TLR1: variants seen among roughly 807,000 people sequenced by gnomAD.
TLR1 encodes the protein toll-like receptor 1.
A neutral mutation model predicts 20.2 loss-of-function variants in TLR1; 19 were observed. That is an observed-to-expected ratio of 0.94 (90% CI 0.66 to 1.38). TLR1 has a LOEUF of 1.38. Ranked by LOEUF, TLR1 falls within the 40% of genes most tolerant of loss-of-function variation. The pLI, the probability that TLR1 is intolerant of heterozygous loss-of-function variation, is 0.00. For missense variants in TLR1, 921 were observed against 910.0 expected, an observed-to-expected ratio of 1.01 and a Z score of -0.16; for synonymous variants, 320 against 334.5, an observed-to-expected ratio of 0.96 and a Z score of 0.47.
chr4:38,805,621 T>C (rs1726962141), upstream of TLR1: 1 of 152,218 alleles, frequency 6.6e-6, no homozygotes, highest in Non-Finnish European at 1.5e-5. Flanking sequence ...TCAGCCTGCA[T>C]GGTGTCCAGT....
chr4:38,795,375 G>T (rs1725973388), downstream of TLR1, among the ~76,000 whole-genome samples: 1 of 152,208 alleles, frequency 6.6e-6, no homozygotes, highest in Non-Finnish European at 1.5e-5. Flanking sequence ...CTGACAGGAT[G>T]TTTGATGGGT....
At chr4:38,803,949 G>A (rs536377669) in intron 2 of TLR1, among the ~76,000 whole-genome samples, 2 of 152,250 alleles carry the variant, frequency 1.3e-5, no homozygotes, top group African/African-American at 2.4e-5. Flanking sequence ...TCAAGGCTTT[G>A]ACTGGTCTTA....
At position 38,798,010 on chromosome 4, in the gene TLR1, C is replaced by CCAATTGG. The variant is rs1726271870; in HGVS notation, c.821_822insCCAATTG (p.Trp274CysfsTer22). 6.2e-7 allele frequency: 1 copy of CCAATTGG among 1,614,130 alleles called. No homozygotes were observed. The highest frequency in any genetic ancestry group is 8.5e-7 in the Non-Finnish European group (1 of 1,180,016). On this transcript the variant is annotated frameshift_variant, in exon 4 of 4. Coordinates refer to ENST00000308979, the MANE Select transcript of TLR1 (RefSeq NM_003263.4). LOFTEE classifies it low-confidence loss of function (END_TRUNC). Reference sequence around the variant, plus strand: ...GCTTCACGTTTGAAATTGAGAAATACCATACAGTTGTATGCCAAACCAGCT... The same window carrying CCAATTGG: ...GCTTCACGTTTGAAATTGAGAAATACCAATTGGCATACAGTTGTATGCCAAACCAGCT...
intron 2 of TLR1, among the ~76,000 whole-genome samples, chr4:38,802,887 C>T (rs920380757): frequency 9.2e-5 from 14 of 152,302 alleles, no homozygotes; most frequent in Admixed American, 7.2e-4. Context: ...CTCTAAGCCA[C>T]TATTGTCCGT....
chr4:38,798,166 T>C lies in TLR1; in HGVS notation c.666A>G (p.Lys222=). ...AACATTTGTTATCTTCTAGCACACATTTGATATTAGATAGTTCCAGATTTG... is the reference window on the plus strand; with the variant it reads ...AACATTTGTTATCTTCTAGCACACACTTGATATTAGATAGTTCCAGATTTG... ...TVANLELSNI[K]CVLEDNKCSY... Residue 222 remains lysine (K), a synonymous_variant, in exon 4 of 4, where the codon AAA becomes AAG. Transcript: ENST00000308979. 1 of 1,614,110 alleles carries C rather than the reference T, an allele frequency of 6.2e-7. No individual in the cohort carries two copies. The highest frequency in any genetic ancestry group is 8.5e-7 in the Non-Finnish European group (1 of 1,179,990).
downstream of TLR1, among the ~76,000 whole-genome samples, chr4:38,793,392 G>T (rs1323832626): frequency 6.6e-6 from 1 of 152,190 alleles, no homozygotes; most frequent in African/African-American, 2.4e-5. Flanking sequence ...GCAAATACAT[G>T]ACGGAGCTAG....
chr4:38,796,628 G>A lies in TLR1; in HGVS notation c.2204C>T (p.Pro735Leu), dbSNP rs759915354. 33 of 1,614,064 alleles carry A rather than the reference G, an allele frequency of 2.0e-5. No homozygotes were observed. Among genetic ancestry groups the A allele is most frequent in the Admixed American group, 5.0e-5 (3 of 60,000 alleles). Residue 735 changes from proline (P) to leucine (L), a missense_variant, in exon 4 of 4, where the codon CCG becomes CTG. Pro to Leu is a moderately conservative substitution (Grantham distance 98, BLOSUM62 -3). Transcript: ENST00000308979. ...ATAACTGCTAGGAATGGAGTACTGC[G>A]GAATGGGTTCCAGCAAGATCAGGAT... ...SLILILLEPI[P>L]QYSIPSSYHK...
chr4:38,795,072 A>G (rs1312503782), downstream of TLR1, among the ~76,000 whole-genome samples: 1 of 152,180 alleles, frequency 6.6e-6, no homozygotes, highest in Non-Finnish European at 1.5e-5. Context: ...GGGTAAGTAA[A>G]CCTCAGTGCC....
chr4:38,787,719 T>C (rs1677473812), downstream of TLR1, among the ~76,000 whole-genome samples: 1 of 152,228 alleles, frequency 6.6e-6, no homozygotes, highest in Admixed American at 6.5e-5. Flanking sequence ...GTTTTACACT[T>C]ACAGCACATT....
chr4:38,787,930 G>C (rs1455870074), downstream of TLR1, among the ~76,000 whole-genome samples: 1 of 152,082 alleles, frequency 6.6e-6, no homozygotes, highest in Admixed American at 6.6e-5. Context: ...TTTCCCATGT[G>C]CTACCCCTGA....
chr4:38,792,048 C>T (rs1292017167), downstream of TLR1, among the ~76,000 whole-genome samples: 1 of 152,174 alleles, frequency 6.6e-6, no homozygotes, highest in African/African-American at 2.4e-5. Flanking sequence ...ATTTCTAAAA[C>T]AACCATATGA....
Position 38,797,992 on chromosome 4 carries a change from G to A in TLR1, c.840C>T (p.Asn280=), listed in dbSNP as rs779331156. The change falls in exon 4 of 4, where the codon AAC becomes AAT. Residue 280 remains asparagine (N), a synonymous_variant. Coordinates refer to ENST00000308979, the MANE Select transcript of TLR1 (RefSeq NM_003263.4). ...HTTVWYFSIS[N]VKLQGQLDFR... is the part of the protein sequence containing the mutation. ...AGTCCAGCTGACCCTGTAGCTTCAC[G>A]TTTGAAATTGAGAAATACCATACAG... 27 of 1,614,028 alleles carry A rather than the reference G, an allele frequency of 1.7e-5. No individual in the cohort carries two copies. The highest frequency in any genetic ancestry group is 1.5e-4 in the Admixed American group (9 of 59,990).
At position 38,796,986 on chromosome 4, in the gene TLR1, A is replaced by T. The variant is rs142855687; in HGVS notation, c.1846T>A (p.Trp616Arg). The T allele has an allele frequency of 8.0e-4, 1,287 of 1,614,202 alleles. 2 individuals are homozygous for T. Among genetic ancestry groups the T allele is most frequent in the Non-Finnish European group, 9.8e-4 (1,161 of 1,180,044 alleles). Residue 616 changes from tryptophan to arginine, a missense_variant, in exon 4 of 4, where the codon TGG becomes AGG. Physicochemically the swap from Trp to Arg is moderately radical, Grantham distance 101 (BLOSUM62 -3). Transcript: ENST00000308979. The stretch of plus-strand genomic sequence containing the variant: ...CTGGCCCTGCGCCGGGTCTGGGTCC[A>T]CTGGCACACCATCCTGAGATACCAG... ...LPWYLRMVCQ[W>R]TQTRRRARNI... is the part of the protein sequence containing the mutation.
At chr4:38,795,716 T>A (rs1177325463), downstream of TLR1, among the ~76,000 whole-genome samples, 1 of 152,068 alleles carries the variant, frequency 6.6e-6, no homozygotes, top group Non-Finnish European at 1.5e-5. Flanking sequence ...GGAATACACA[T>A]GGAGGAATAA....
rs187823248 is a variant in TLR1 at position 38,797,268 on chromosome 4, C to A, written c.1564G>T (p.Gly522Trp). 1.9e-6 allele frequency: 3 copies of A among 1,614,052 alleles called. No homozygotes were observed. The highest frequency in any genetic ancestry group is 2.5e-6 in the Non-Finnish European group (3 of 1,180,026). ...CAGGTACATTGGAATGGATTGTCCC[C>A]TGCTTTTATTGACCTCATCTTCTGG... The part of the protein sequence containing the change: ...SCQKMRSIKA[G>W]DNPFQCTCEL... Residue 522 changes from glycine to tryptophan, a missense_variant, in exon 4 of 4, where the codon GGG becomes TGG. Physicochemically the swap from Gly to Trp is radical, Grantham distance 184. Transcript: ENST00000308979.
At chr4:38,787,780 T>C (rs1579190146), downstream of TLR1, among the ~76,000 whole-genome samples, 1 of 152,236 alleles carries the variant, frequency 6.6e-6, no homozygotes, top group Admixed American at 6.5e-5. Flanking sequence ...ATACGGCTAG[T>C]GGCTACCATA....
At position 38,798,020 on chromosome 4, in the gene TLR1, G is replaced by T; in HGVS notation, c.812C>A (p.Thr271Lys). The change falls in exon 4 of 4, where the codon ACA (threonine) becomes AAA (lysine). Residue 271 changes from threonine to lysine, a missense_variant. Coordinates refer to ENST00000308979, the MANE Select transcript of TLR1 (RefSeq NM_003263.4). ...FIRILQLVWHTTVWYFSISNV... is the reference protein window; with the variant it reads ...FIRILQLVWHKTVWYFSISNV... ...TGAAATTGAGAAATACCATACAGTTGTATGCCAAACCAGCTGGAGGATCCT... is the reference window on the plus strand; with the variant it reads ...TGAAATTGAGAAATACCATACAGTTTTATGCCAAACCAGCTGGAGGATCCT... 1 of 1,614,162 alleles carries T rather than the reference G, an allele frequency of 6.2e-7. No individual in the cohort carries two copies. Among genetic ancestry groups the T allele is most frequent in the Non-Finnish European group, 8.5e-7 (1 of 1,180,034 alleles).
chr4:38,791,339 T>C (rs1725714762), downstream of TLR1: 1 of 152,334 alleles, frequency 6.6e-6, no homozygotes, highest in South Asian at 2.1e-4. Flanking sequence ...ATTAATGAGG[T>C]TGAAATTTTT....
At position 38,796,585 on chromosome 4, in the gene TLR1, G is replaced by A. The variant is rs940359088; in HGVS notation, c.2247C>T (p.Leu749=). 2 of 1,614,094 alleles carry A rather than the reference G, an allele frequency of 1.2e-6. No homozygotes were observed. Among genetic ancestry groups the A allele is most frequent in the African/African-American group, 2.7e-5 (2 of 74,928 alleles). ...ATTCCAAATAAGTCCTCCTGGCCAT[G>A]AGACTTTTGAGCTTGTGATAACTGC... ...IPSSYHKLKS[L]MARRTYLEWP... The change falls in exon 4 of 4, where the codon CTC becomes CTT. Residue 749 remains leucine, a synonymous_variant. Transcript: ENST00000308979.
Sources: allele counts gnomAD v4.1 joint callset (sites outside exome capture counted in the v4.1 genomes callset), GRCh38; gene constraint gnomAD v4.1.1; transcripts MANE v1.5; gene names NCBI Gene and HGNC (gene_info 2026-07-23, HGNC 2026-07-21).